The following CSMD1 variants were observed in gnomAD, a reference collection of about 807,000 sequenced individuals.
CSMD1 encodes the protein CUB and sushi domain-containing protein 1.
In CSMD1, 213 loss-of-function variants were observed where a neutral mutation model predicts 417.5. The observed-to-expected ratio is 0.51, with a 90% CI of 0.46 to 0.57. The LOEUF (loss-of-function observed/expected upper bound fraction) is 0.57, where lower values mean the gene tolerates loss of function less well. Ranked by LOEUF, CSMD1 falls within the 20% of genes least tolerant of loss-of-function variation. The probability of loss-of-function intolerance (pLI) is 0.00; values close to 1 mark genes in which losing one functional copy is unlikely to be tolerated. For missense variants in CSMD1, 6,923 were observed against 4,529.7 expected (o/e 1.53, Z -15.17); for synonymous variants, 2,862 against 1,736.8 (o/e 1.65, Z -16.11).
chr8:4,867,709 T>C (rs555876101), intron 1 of CSMD1, among the ~76,000 whole-genome samples: 1 of 152,132 alleles, frequency 6.6e-6, no homozygotes, highest in Non-Finnish European at 1.5e-5. Context: ...TGTGTGTGTG[T>C]AAATTGTCAA....
chr8:3,788,105 G>C (rs375575182), intron 5 of CSMD1, among the ~76,000 whole-genome samples: 3 of 152,152 alleles, frequency 2.0e-5, no homozygotes, highest in African/African-American at 7.2e-5. Context: ...GCAACGCTTA[G>C]TTCTAAAATT....
At chr8:4,718,976 G>A (rs951885755) in intron 1 of CSMD1, among the ~76,000 whole-genome samples, 1 of 152,016 alleles carries the variant, frequency 6.6e-6, no homozygotes, top group Non-Finnish European at 1.5e-5. Flanking sequence ...ATATTGATAT[G>A]AAAAACTTTG....
chr8:4,079,163 G>C (rs906232320), intron 3 of CSMD1, among the ~76,000 whole-genome samples: 1 of 151,792 alleles, frequency 6.6e-6, no homozygotes, highest in African/African-American at 2.4e-5. Flanking sequence ...AAAAGACACA[G>C]TATAAATTGA....
intron 2 of CSMD1, among the ~76,000 whole-genome samples, chr8:4,586,396 A>ACCTGTTTGGTTTG (rs745766930): frequency 6.6e-6 from 1 of 152,202 alleles, no homozygotes; most frequent in Non-Finnish European, 1.5e-5. Context: ...AAACTGTTAA[A>ACCTGTTTGGTTTG]GTCACAGACC....
intron 1 of CSMD1, among the ~76,000 whole-genome samples, chr8:4,905,912 C>A (rs1805237835): frequency 1.3e-5 from 2 of 151,876 alleles, no homozygotes; most frequent in African/African-American, 4.8e-5. Flanking sequence ...TTTCTCAGAG[C>A]CACTCTTTCC....
At chr8:3,512,784 T>G (rs1274224331) in intron 10 of CSMD1, among the ~76,000 whole-genome samples, 2 of 151,804 alleles carry the variant, frequency 1.3e-5, no homozygotes, top group Admixed American at 1.3e-4. Flanking sequence ...TTTTTATTTT[T>G]TACTAGAGAC....
intron 3 of CSMD1, among the ~76,000 whole-genome samples, chr8:4,140,532 G>C (rs1395389575): frequency 7.3e-5 from 11 of 151,020 alleles, no homozygotes. Flanking sequence ...GCTGAGTGTG[G>C]TGGTGTGCAC....
At chr8:3,490,242 T>C (rs1818292461) in intron 11 of CSMD1, among the ~76,000 whole-genome samples, 1 of 152,182 alleles carries the variant, frequency 6.6e-6, no homozygotes, top group Non-Finnish European at 1.5e-5. Flanking sequence ...GGCATCTCAG[T>C]TTGATTCAGT....
At chr8:4,951,606 G>GT (rs1475321426) in intron 1 of CSMD1, among the ~76,000 whole-genome samples, 2 of 151,206 alleles carry the variant, frequency 1.3e-5, no homozygotes, top group African/African-American at 2.4e-5. Flanking sequence ...AAACCTGCGG[G>GT]GTTTTTTTAA....
rs114258311 is a variant in CSMD1, at chr8:3,905,606, T to A, written c.818+92297A>T. Among the ~76,000 whole-genome samples, 724 of 152,332 alleles carry A rather than the reference T, an allele frequency of 4.8e-3. 10 individuals carry two copies. The highest frequency in any genetic ancestry group is 0.016 in the African/African-American group (685 of 41,590). On this transcript the variant is annotated intron_variant, in intron 5 of 69. Transcript: ENST00000635120. Reference sequence around the variant, plus strand: ...TGGACCCCACACCCAGAGTTTCCACTTCAGTGTGACTGAAAATTTACATTT... The same window carrying A: ...TGGACCCCACACCCAGAGTTTCCACATCAGTGTGACTGAAAATTTACATTT...
rs143315291 is a variant in CSMD1, at chr8:4,623,555, A to T, written c.302+13787T>A. Among the ~76,000 whole-genome samples the T allele has an allele frequency of 8.2e-3, 1,250 of 152,178 alleles. 14 individuals carry two copies. The highest frequency in any genetic ancestry group is 9.8e-3 in the Non-Finnish European group (668 of 68,000). ...TAATCAAAGGAGCTTTATTTCTAAT[A>T]GCTAAAAACAGGGGGGTGAGGGGGG... On this transcript the variant is annotated intron_variant, in intron 2 of 69. Coordinates refer to ENST00000635120, the MANE Select transcript of CSMD1 (RefSeq NM_033225.6).
At chr8:4,184,207 A>C (rs539875425) in intron 3 of CSMD1, among the ~76,000 whole-genome samples, 4 of 152,348 alleles carry the variant, frequency 2.6e-5, no homozygotes, top group East Asian at 1.9e-4. Context: ...GTCTGAGCCT[A>C]AGAGTATAAC....
At chr8:4,803,352 G>C (rs563812343) in intron 1 of CSMD1, among the ~76,000 whole-genome samples, 2 of 152,252 alleles carry the variant, frequency 1.3e-5, no homozygotes, top group East Asian at 1.9e-4. Flanking sequence ...TATAAAAAGG[G>C]TTTCAGTTAC....
chr8:3,481,269 C>G (rs1817735608), intron 11 of CSMD1, among the ~76,000 whole-genome samples: 1 of 151,004 alleles, frequency 6.6e-6, no homozygotes, highest in African/African-American at 2.4e-5. Flanking sequence ...GAAACTTTTA[C>G]CTGTGTTTTC....
intron 68 of CSMD1, among the ~76,000 whole-genome samples, chr8:2,947,298 G>C (rs1408723655): frequency 6.6e-6 from 1 of 152,016 alleles, no homozygotes; most frequent in East Asian, 1.9e-4. Context: ...TGACAATCAC[G>C]TTTTTTGGTT....
chr8:3,702,166 T>C lies in CSMD1; in HGVS notation c.1009+6248A>G, dbSNP rs144783210. On this transcript the variant is annotated intron_variant, in intron 7 of 69. Transcript: ENST00000635120. ...TCAGTTTTCCACATTTAAAAAATCA[T>C]CTTTTTATTAAATAATGGTTCTGGA... is the stretch of plus-strand genomic sequence containing the variant. 692 of 152,310 alleles carry C rather than the reference T, an allele frequency of 4.5e-3. 5 individuals carry two copies. Among genetic ancestry groups the C allele is most frequent in the African/African-American group, 0.016 (676 of 41,568 alleles). 9.4% of individuals were successfully genotyped at this position (152,310 alleles called of 1,614,324 possible). A position where few individuals can be genotyped will look rare whatever the true frequency, so the allele number is the denominator to read the frequency against.
intron 25 of CSMD1, among the ~76,000 whole-genome samples, chr8:3,294,702 A>C (rs1584946415): frequency 6.6e-6 from 1 of 152,116 alleles, no homozygotes; most frequent in African/African-American, 2.4e-5. Context: ...GAGTGACCCG[A>C]TTTTCCAGGT....
At chr8:3,621,232 C>T (rs970050846) in intron 7 of CSMD1, among the ~76,000 whole-genome samples, 3 of 152,108 alleles carry the variant, frequency 2.0e-5, no homozygotes, top group African/African-American at 7.2e-5. Context: ...TTTTTTATGG[C>T]AGCCCTCGAA....
At chr8:4,965,328 TTCAA>T (rs1363536633) in intron 1 of CSMD1, among the ~76,000 whole-genome samples, 1 of 152,228 alleles carries the variant, frequency 6.6e-6, no homozygotes, top group Non-Finnish European at 1.5e-5. Flanking sequence ...CATGTATTAC[TTCAA>T]TCAAAGTCAA....
Sources: allele counts gnomAD v4.1 joint callset (sites outside exome capture counted in the v4.1 genomes callset), GRCh38; gene constraint gnomAD v4.1.1; transcripts MANE v1.5; gene names NCBI Gene and HGNC (gene_info 2026-07-23, HGNC 2026-07-21).